Variants in PCDHA3 observed in about 807,000 individuals in gnomAD.
PCDHA3 encodes the protein protocadherin alpha-3.
In PCDHA3, 41 loss-of-function variants were observed where a neutral mutation model predicts 62.2. That is an observed-to-expected ratio of 0.66 (90% CI 0.51 to 0.86). PCDHA3 has a LOEUF of 0.86. PCDHA3 is among the 40% of genes least tolerant of loss of function. The pLI is 0.00. For missense variants in PCDHA3, 1,304 were observed against 1,241.2 expected, an observed-to-expected ratio of 1.05 and a Z score of -0.76; for synonymous variants, 640 against 555.4, an observed-to-expected ratio of 1.15 and a Z score of -2.14.
chr5:140,882,284 C>T (rs782560108), intron 1 of PCDHA3: 7 of 1,612,734 alleles, frequency 4.3e-6, no homozygotes, highest in Non-Finnish European at 5.9e-6. Context: ...GTCTTCCTGG[C>T]AAGGAGGCCC....
At chr5:140,869,211 G>T (rs375218342) in intron 1 of PCDHA3, 2 of 1,613,956 alleles carry the variant, frequency 1.2e-6, no homozygotes, top group Non-Finnish European at 1.7e-6. Context: ...ACTCCGTCTC[G>T]GAGGAGGCCA....
intron 1 of PCDHA3, chr5:140,805,103 A>G (rs782491293): frequency 1.3e-6 from 2 of 1,591,506 alleles, no homozygotes; most frequent in East Asian, 2.2e-5. Context: ...TCTTGAAACT[A>G]TTGTCTAACA....
intron 3 of PCDHA3, among the ~76,000 whole-genome samples, chr5:140,989,845 T>C (rs1180098230): frequency 2.6e-5 from 4 of 152,118 alleles, no homozygotes; most frequent in Non-Finnish European, 5.9e-5. Flanking sequence ...AATGAGTGTG[T>C]GGACTGGAGA....
At chr5:140,821,890 A>G in intron 1 of PCDHA3, 7 of 1,614,240 alleles carry the variant, frequency 4.3e-6, no homozygotes, top group Non-Finnish European at 5.9e-6. Context: ...GGAGGAAGCC[A>G]AACACGGAAC....
intron 1 of PCDHA3, among the ~76,000 whole-genome samples, chr5:140,838,280 A>ATTTTT (rs2150286950): frequency 0.017 from 2,338 of 139,538 alleles, 73 homozygotes; most frequent in African/African-American, 0.061. Flanking sequence ...AGCCATGCTA[A>ATTTTT]TTTTTTTTTT....
At chr5:140,838,701 C>T (rs1368590558) in intron 1 of PCDHA3, among the ~76,000 whole-genome samples, 2 of 151,802 alleles carry the variant, frequency 1.3e-5, no homozygotes, top group South Asian at 2.1e-4. Flanking sequence ...TTCGGGAGGC[C>T]GAGGCAGGAG....
intron 1 of PCDHA3, chr5:140,852,529 G>T: frequency 2.4e-6 from 1 of 416,580 alleles, no homozygotes. Context: ...TCCCACCTCG[G>T]CCTCCCAAAG....
chr5:140,841,896 T>A (rs2150325058), intron 1 of PCDHA3: 2 of 1,613,838 alleles, frequency 1.2e-6, no homozygotes, highest in Middle Eastern at 1.6e-4. Context: ...AATAAACTGG[T>A]TGAGCTCGTA....
rs1465099022 is a variant in PCDHA3 at position 140,850,419 on chromosome 5, G to T, written c.2394+46828G>T. 7.5e-6 allele frequency: 12 copies of T among 1,597,838 alleles called. 2 individuals carry two copies. Among genetic ancestry groups the T allele is most frequent in the Non-Finnish European group, 9.4e-6 (11 of 1,167,742 alleles). On this transcript the variant is annotated intron_variant, in intron 1 of 3. Coordinates refer to ENST00000522353, the MANE Select transcript of PCDHA3 (RefSeq NM_018906.3). ...AACGCGTGCCCTGGACGAAACGGAC[G>T]CACCGCGCCAGCGCCTACTGGTGCT...
At chr5:140,963,220 G>A (rs2095749091) in intron 1 of PCDHA3, among the ~76,000 whole-genome samples, 2 of 152,122 alleles carry the variant, frequency 1.3e-5, no homozygotes, top group East Asian at 1.9e-4. Flanking sequence ...CGTGTTTAGA[G>A]TAGACACTGT....
At position 140,927,553 on chromosome 5, in the gene PCDHA3, A is replaced by G. The variant is rs782577411; in HGVS notation, c.2395-51396A>G. 1.3e-5 allele frequency: 21 copies of G among 1,614,030 alleles called. No homozygotes were observed. The highest frequency in any genetic ancestry group is 9.3e-5 in the African/African-American group (7 of 74,932). ...CCGCTCAGGAGACGCACAAGTCACC[A>G]TCATTGTGGTGGACACAAATGACAA... On this transcript the variant is annotated intron_variant, in intron 1 of 3. Coordinates refer to ENST00000522353, the MANE Select transcript of PCDHA3 (RefSeq NM_018906.3).
chr5:140,929,164 G>A (rs1554206780), intron 1 of PCDHA3: 10 of 1,614,150 alleles, frequency 6.2e-6, no homozygotes, highest in East Asian at 2.2e-5. Context: ...TCTCTATCGG[G>A]CCTCTCTGGG....
chr5:140,836,991 C>T, intron 1 of PCDHA3: 3 of 347,628 alleles, frequency 8.6e-6, no homozygotes, highest in African/African-American at 2.1e-5. Context: ...GAGGACTTTG[C>T]TAACTGGAGC....
At position 140,824,023 on chromosome 5, in the gene PCDHA3, T is replaced by A. The variant is rs201009574; in HGVS notation, c.2394+20432T>A. The A allele has an allele frequency of 1.6e-5, 26 of 1,614,080 alleles. No homozygotes were observed. The Admixed American group carries it at 2.3e-4, about 14-fold the overall frequency. ...CAGCGCGGTGGGGAGCTGGTCGTAC[T>A]CGCAGCAGAGGAGACAGAGGGTGTG... On this transcript the variant is annotated intron_variant, in intron 1 of 3. Coordinates refer to ENST00000522353, the MANE Select transcript of PCDHA3 (RefSeq NM_018906.3).
At chr5:140,956,985 A>G (rs1554222760) in intron 1 of PCDHA3, among the ~76,000 whole-genome samples, 2 of 152,224 alleles carry the variant, frequency 1.3e-5, no homozygotes, top group African/African-American at 2.4e-5. Flanking sequence ...AGTAAAATAA[A>G]TTCAAGGAAG....
Position 140,803,257 on chromosome 5 carries a change from C to G in PCDHA3, c.2060C>G (p.Thr687Arg), listed in dbSNP as rs782417260. The stretch of plus-strand genomic sequence containing the variant: ...TCGTCCCAGGCGTCCGCTGGCGCCA[C>G]GGGCCCGGAAGCTGCACTGGTGGAT... The part of the protein sequence containing the change: ...KASSQASAGA[T>R]GPEAALVDVN... Residue 687 changes from threonine to arginine, a missense_variant, in exon 1 of 4, where the codon ACG becomes AGG. Thr to Arg is a moderately conservative substitution (Grantham distance 71, BLOSUM62 -1). Coordinates refer to ENST00000522353, the MANE Select transcript of PCDHA3 (RefSeq NM_018906.3). The G allele has an allele frequency of 6.2e-7, 1 of 1,613,906 alleles. No homozygotes were observed. Among genetic ancestry groups the G allele is most frequent in the South Asian group, 1.1e-5 (1 of 91,072 alleles).
intron 1 of PCDHA3, among the ~76,000 whole-genome samples, chr5:140,837,365 T>C (rs1775021898): frequency 6.6e-6 from 1 of 152,028 alleles, no homozygotes; most frequent in African/African-American, 2.4e-5. Context: ...GGCAGTTTAA[T>C]AGTATTTTTT....
chr5:140,944,608 G>A (rs2093673405), intron 1 of PCDHA3, among the ~76,000 whole-genome samples: 1 of 152,176 alleles, frequency 6.6e-6, no homozygotes, highest in Non-Finnish European at 1.5e-5. Flanking sequence ...AGAGTAGTGT[G>A]CTGTAGAAGT....
intron 3 of PCDHA3, among the ~76,000 whole-genome samples, chr5:141,000,361 GTCTCTC>G (rs148596731): frequency 0.13 from 3,495 of 26,124 alleles, 319 homozygotes; most frequent in Middle Eastern, 0.15. Context: ...GTCTCTCTCT[GTCTCTC>G]TCTCTCTCTC....
Sources: gnomAD v4.1 joint callset for allele counts (sites outside exome capture counted in the v4.1 genomes callset) on GRCh38, gnomAD v4.1.1 for gene constraint, MANE v1.5 for transcripts, NCBI Gene and HGNC (gene_info 2026-07-23, HGNC 2026-07-21) for gene names.